Variants in PRKCA observed in about 807,000 individuals in gnomAD.
PRKCA encodes the protein protein kinase C alpha type.
In PRKCA, 27 loss-of-function variants were observed where a neutral mutation model predicts 87.0. That is an observed-to-expected ratio of 0.31 (90% CI 0.23 to 0.43). The LOEUF is 0.43. Ranked by LOEUF, PRKCA falls within the 20% of genes least tolerant of loss-of-function variation. The probability of loss-of-function intolerance (pLI) is 1.00; values close to 1 mark genes in which losing one functional copy is unlikely to be tolerated. For missense variants in PRKCA, 518 were observed against 852.3 expected, an observed-to-expected ratio of 0.61 and a Z score of 4.88; for synonymous variants, 329 against 311.1, an observed-to-expected ratio of 1.06 and a Z score of -0.61.
chr17:66,655,034 A>C (rs1598849076), intron 5 of PRKCA, among the ~76,000 whole-genome samples: 3 of 152,252 alleles, frequency 2.0e-5, no homozygotes, highest in Middle Eastern at 3.4e-3. Context: ...AAAGAAACCA[A>C]ATCTAGCAGT....
intron 8 of PRKCA, among the ~76,000 whole-genome samples, chr17:66,719,001 G>A (rs1305522959): frequency 6.6e-6 from 1 of 152,182 alleles, no homozygotes; most frequent in East Asian, 1.9e-4. Flanking sequence ...TTCATGGTGA[G>A]ATTAAAATGT....
chr17:66,399,968 T>C (rs1054678014), intron 2 of PRKCA, among the ~76,000 whole-genome samples: 2 of 152,220 alleles, frequency 1.3e-5, no homozygotes, highest in African/African-American at 4.8e-5. Flanking sequence ...AATGCTCTAA[T>C]GAGCATTTCC....
At position 66,381,075 on chromosome 17, in the gene PRKCA, G is replaced by T. The variant is rs75940168; in HGVS notation, c.205+74948G>T. Among the ~76,000 whole-genome samples, 152 of 151,988 alleles carry T rather than the reference G, an allele frequency of 1.0e-3. 1 individual carries two copies. In the East Asian group the frequency reaches 0.025, roughly 25 times the overall value. On this transcript the variant is annotated intron_variant, in intron 2 of 16. Transcript: ENST00000413366. ...TTGCTTCAGCCTCCAGAATAGCAGG[G>T]ACTACAGGTGCAAGCCACCACGCCC...
Position 66,404,629 on chromosome 17 carries a change from AGCAAGGCT to A in PRKCA, c.206-91564_206-91557del, listed in dbSNP as rs746319638. Among the ~76,000 whole-genome samples the A allele has an allele frequency of 6.4e-4, 97 of 152,080 alleles. 1 individual carries two copies. Among genetic ancestry groups the A allele is most frequent in the Admixed American group, 5.2e-3 (79 of 15,272 alleles). ...GTTAGCAACTACCCAAATACGAAGA[AGCAAGGCT>A]GCAAGGCAAGCACCAAACTTGTTAT... On this transcript the variant is annotated intron_variant, in intron 2 of 16. Transcript: ENST00000413366.
intron 2 of PRKCA, among the ~76,000 whole-genome samples, chr17:66,424,764 T>C (rs1044287364): frequency 2.0e-5 from 3 of 151,754 alleles, no homozygotes; most frequent in East Asian, 3.9e-4. Flanking sequence ...ACCGCCTTTT[T>C]TTTGTGACAG....
At chr17:66,368,903 C>T (rs1238646993) in intron 2 of PRKCA, among the ~76,000 whole-genome samples, 2 of 152,176 alleles carry the variant, frequency 1.3e-5, no homozygotes, top group African/African-American at 2.4e-5. Context: ...GCCCAAATTA[C>T]CTGACCCAGG....
At chr17:66,687,657 T>G (rs906927236) in intron 6 of PRKCA, among the ~76,000 whole-genome samples, 4 of 152,004 alleles carry the variant, frequency 2.6e-5, no homozygotes, top group African/African-American at 9.7e-5. Flanking sequence ...ACAGAATGAG[T>G]GAGTAACATA....
intron 2 of PRKCA, among the ~76,000 whole-genome samples, chr17:66,347,220 T>C (rs748222758): frequency 6.6e-6 from 1 of 152,118 alleles, no homozygotes; most frequent in Non-Finnish European, 1.5e-5. Context: ...ACATTTTCCC[T>C]AACAAAAAAA....
chr17:66,641,739 A>G (rs1971303129), intron 4 of PRKCA, among the ~76,000 whole-genome samples: 2 of 150,564 alleles, frequency 1.3e-5, no homozygotes, highest in Non-Finnish European at 3.0e-5. Flanking sequence ...TTTTAGTGGC[A>G]GAAGTCTTCA....
chr17:66,513,482 C>G (rs1178122745), intron 3 of PRKCA, among the ~76,000 whole-genome samples: 2 of 152,132 alleles, frequency 1.3e-5, no homozygotes. Context: ...AATACTTAAC[C>G]ACTTGATTCT....
intron 3 of PRKCA, among the ~76,000 whole-genome samples, chr17:66,587,811 G>A (rs573622859): frequency 2.2e-5 from 3 of 133,822 alleles, no homozygotes; most frequent in South Asian, 2.5e-4. Flanking sequence ...ATATGTGTGT[G>A]TATATGTATA....
At chr17:66,639,514 A>G (rs1440513923) in intron 3 of PRKCA, 1 of 152,204 alleles carries the variant, frequency 6.6e-6, no homozygotes, top group Non-Finnish European at 1.5e-5. Flanking sequence ...CAGCCTCTCA[A>G]GTAGCTGGGA....
rs1971842027 is a variant in PRKCA at position 66,659,804 on chromosome 17, G to A, written c.529+14293G>A. 4.6e-5 allele frequency among the ~76,000 whole-genome samples: 7 copies of A among 152,332 alleles called. No homozygotes were observed. In the South Asian group the frequency reaches 1.4e-3, roughly 32 times the overall value. On this transcript the variant is annotated intron_variant, in intron 5 of 16. Coordinates refer to ENST00000413366, the MANE Select transcript of PRKCA (RefSeq NM_002737.3). ...TGCTGGGGTCCGTGCACCCCATGCAGCAAAGCCAAATGCTGATGTTGGGTT... is the reference window on the plus strand; with the variant it reads ...TGCTGGGGTCCGTGCACCCCATGCAACAAAGCCAAATGCTGATGTTGGGTT...
intron 2 of PRKCA, among the ~76,000 whole-genome samples, chr17:66,367,666 A>G (rs1345932514): frequency 3.9e-5 from 6 of 152,304 alleles, no homozygotes; most frequent in Non-Finnish European, 5.9e-5. Flanking sequence ...AGGTTAAATA[A>G]AAGCTGTCCT....
chr17:66,703,629 T>C (rs1462837034), intron 8 of PRKCA: 2 of 152,124 alleles, frequency 1.3e-5, no homozygotes, highest in African/African-American at 4.8e-5. Flanking sequence ...ACCGCATCTC[T>C]ACTAAAAATA....
At chr17:66,588,409 C>T (rs1025328309) in intron 3 of PRKCA, among the ~76,000 whole-genome samples, 15 of 151,932 alleles carry the variant, frequency 9.9e-5, no homozygotes, top group African/African-American at 3.6e-4. Flanking sequence ...TGCAAATTAT[C>T]TTCTGCTGGG....
At chr17:66,330,218 G>A (rs1209652556) in intron 2 of PRKCA, among the ~76,000 whole-genome samples, 1 of 151,090 alleles carries the variant, frequency 6.6e-6, no homozygotes, top group African/African-American at 2.4e-5. Context: ...AGATTCTCCT[G>A]CCTTAGCCTC....
intron 3 of PRKCA, among the ~76,000 whole-genome samples, chr17:66,533,219 T>A (rs1967629470): frequency 6.6e-6 from 1 of 152,242 alleles, no homozygotes; most frequent in Non-Finnish European, 1.5e-5. Context: ...ATAAATTTCA[T>A]GAATTCACTA....
chr17:66,603,113 C>T (rs752829954), intron 3 of PRKCA, among the ~76,000 whole-genome samples: 10 of 152,298 alleles, frequency 6.6e-5, no homozygotes, highest in Non-Finnish European at 1.0e-4. Flanking sequence ...TACCATCCAG[C>T]GTCCTCCTCC....
Sources: allele counts gnomAD v4.1 joint callset (sites outside exome capture counted in the v4.1 genomes callset), GRCh38; gene constraint gnomAD v4.1.1; transcripts MANE v1.5; gene names NCBI Gene and HGNC (gene_info 2026-07-23, HGNC 2026-07-21).